The following ARHGAP32 variants were observed in gnomAD, a reference collection of about 807,000 sequenced individuals.
ARHGAP32 encodes the protein rho GTPase-activating protein 32.
Under a neutral mutation model 186.5 loss-of-function variants are expected in ARHGAP32, and 51 were observed. The ratio of observed to expected loss-of-function variants is 0.27; its 90% CI spans 0.22 to 0.35. The LOEUF (loss-of-function observed/expected upper bound fraction) is 0.35, where lower values mean the gene tolerates loss of function less well. ARHGAP32 is among the 10% of genes least tolerant of loss of function. The pLI is 1.00. For synonymous variants in ARHGAP32, 950 were observed against 964.3 expected (o/e 0.99, Z 0.27); for missense variants, 2,186 against 2,623.5 (o/e 0.83, Z 3.64).
upstream of ARHGAP32, among the ~76,000 whole-genome samples, chr11:129,192,450 A>C (rs1354119092): frequency 6.6e-6 from 1 of 152,150 alleles, no homozygotes; most frequent in African/African-American, 2.4e-5. Context: ...TACATAACCA[A>C]AAGCAGAATC....
At chr11:129,194,702 G>A (rs190655090), upstream of ARHGAP32, among the ~76,000 whole-genome samples, 29 of 151,672 alleles carry the variant, frequency 1.9e-4, no homozygotes, top group South Asian at 6.2e-4. Context: ...GCAGTGAGCC[G>A]AGATCACGCC....
chr11:128,970,805 G>A lies in ARHGAP32; in HGVS notation c.4408C>T (p.Pro1470Ser). Residue 1470 changes from proline (P) to serine (S), a missense_variant, in exon 23 of 23, where the codon CCT becomes TCT. Physicochemically the swap from Pro to Ser is moderately conservative, Grantham distance 74. Coordinates refer to ENST00000682385, the MANE Select transcript of ARHGAP32 (RefSeq NM_001378024.1). The surrounding 1 kb of genome is among the most constrained non-coding windows in gnomAD (Gnocchi z 5.8). Reference protein sequence around the residue: ...ASSTSVDDALPLPLPVPQPKH... With the variant: ...ASSTSVDDALSLPLPVPQPKH... The stretch of plus-strand genomic sequence containing the variant: ...GGTTGTGGGACAGGAAGTGGTAAAG[G>A]CAATGCATCGTCCACAGAGGTGGAT... The A allele has an allele frequency of 6.2e-7, 1 of 1,614,202 alleles. No homozygotes were observed. Among genetic ancestry groups the A allele is most frequent in the African/African-American group, 1.3e-5 (1 of 75,048 alleles).
At chr11:129,195,645 T>C (rs546787822), upstream of ARHGAP32, among the ~76,000 whole-genome samples, 1 of 152,056 alleles carries the variant, frequency 6.6e-6, no homozygotes, top group East Asian at 1.9e-4. Context: ...CCGCCTCGGC[T>C]GGAGGTTGCT....
intron 5 of ARHGAP32, among the ~76,000 whole-genome samples, chr11:129,109,182 T>C (rs1942134004): frequency 6.6e-6 from 1 of 152,130 alleles, no homozygotes; most frequent in Non-Finnish European, 1.5e-5. Context: ...ATTATTTCAC[T>C]TCACATGATG....
Position 129,240,465 on chromosome 11 carries a change from T to C in ARHGAP32, c.-5+38681A>G, listed in dbSNP as rs576736867. ...TTCAGTAGGCCCATCTCAAGTAATTTCCTTTTCTACAAGCTTTCCCTAGGT... is the reference window on the plus strand; with the variant it reads ...TTCAGTAGGCCCATCTCAAGTAATTCCCTTTTCTACAAGCTTTCCCTAGGT... On this transcript the variant is annotated intron_variant, in intron 1 of 6. Coordinates refer to the ARHGAP32 transcript ENST00000525234. Among the ~76,000 whole-genome samples the C allele has an allele frequency of 4.3e-4, 66 of 152,278 alleles. 1 individual carries two copies. Among genetic ancestry groups the C allele is most frequent in the Non-Finnish European group, 1.2e-4 (8 of 68,018 alleles).
At position 129,061,636 on chromosome 11, in the gene ARHGAP32, A is replaced by AT. The variant is rs573098129; in HGVS notation, c.963+643dup. Among the ~76,000 whole-genome samples the AT allele has an allele frequency of 2.6e-3, 389 of 152,326 alleles. 1 individual carries two copies. Among genetic ancestry groups the AT allele is most frequent in the Admixed American group, 4.4e-3 (67 of 15,298 alleles). On this transcript the variant is annotated intron_variant, in intron 10 of 22. Transcript: ENST00000682385. ...GGCAGGCAGCATCTACAGTGTGGAT[A>AT]TGCTGGACAAAGGGATGATTCACGT...
At chr11:129,266,434 G>C (rs1186235195) in intron 1 of ARHGAP32, among the ~76,000 whole-genome samples, 1 of 152,078 alleles carries the variant, frequency 6.6e-6, no homozygotes, top group African/African-American at 2.4e-5. Context: ...GGGTAAATAG[G>C]TCATCCTGCT....
rs555858835 is a variant in ARHGAP32, at chr11:129,137,878, T to C, written c.226-12984A>G. ...AAATGAGAATTCAATACTAATACAGTTAAATTTGAAGCTGATTAAATACTA... is the reference window on the plus strand; with the variant it reads ...AAATGAGAATTCAATACTAATACAGCTAAATTTGAAGCTGATTAAATACTA... On this transcript the variant is annotated intron_variant, in intron 2 of 22. Coordinates refer to ENST00000682385, the MANE Select transcript of ARHGAP32 (RefSeq NM_001378024.1). Among the ~76,000 whole-genome samples the C allele has an allele frequency of 4.6e-5, 7 of 152,186 alleles. No individual in the cohort carries two copies. In the East Asian group the frequency reaches 1.2e-3, roughly 25 times the overall value.
chr11:129,210,591 T>G (rs1267078963), intron 1 of ARHGAP32, among the ~76,000 whole-genome samples: 1 of 152,138 alleles, frequency 6.6e-6, no homozygotes, highest in Non-Finnish European at 1.5e-5. Context: ...CCCACAATAC[T>G]TGCAAAAATA....
At chr11:129,022,874 A>G (rs761362098) in intron 11 of ARHGAP32, among the ~76,000 whole-genome samples, 22 of 152,280 alleles carry the variant, frequency 1.4e-4, no homozygotes, top group Non-Finnish European at 2.6e-4. Context: ...TTAGATTTCT[A>G]TCTTCCACTA....
chr11:129,243,440 A>G (rs1945047275), intron 1 of ARHGAP32, among the ~76,000 whole-genome samples: 1 of 152,210 alleles, frequency 6.6e-6, no homozygotes, highest in Admixed American at 6.5e-5. Context: ...AGCATAAAAC[A>G]TGGCAAAGAA....
At position 128,965,736 on chromosome 11, in the gene ARHGAP32, A is replaced by G. The variant is rs1945208585; in HGVS notation, c.*3171T>C. On this transcript the variant is annotated 3_prime_UTR_variant, in exon 23 of 23. Coordinates refer to ENST00000682385, the MANE Select transcript of ARHGAP32 (RefSeq NM_001378024.1). ...AAGCAGTACTTTGCCAACATCCTAA[A>G]TGGGTGACTGACAGGGCTGAAAACA... 1 of 152,206 alleles carries G rather than the reference A, an allele frequency of 6.6e-6. No individual in the cohort carries two copies. The highest frequency in any genetic ancestry group is 2.4e-5 in the African/African-American group (1 of 41,454). The allele number at this position is 152,206 out of a possible 1,614,324, so 9.4% of individuals were successfully genotyped here.
chr11:129,207,338 A>G lies in ARHGAP32; in HGVS notation c.-4-42911T>C, dbSNP rs530738903. 7.2e-5 allele frequency among the ~76,000 whole-genome samples: 11 copies of G among 152,314 alleles called. 1 individual carries two copies. The East Asian group carries it at 1.9e-3, about 27-fold the overall frequency. On this transcript the variant is annotated intron_variant, in intron 1 of 6. Transcript: ENST00000525234. ...CACTGTCTTCCACAATGGTTGAACT[A>G]AATTATACTCCCACCAACAGTGTAA...
intron 11 of ARHGAP32, among the ~76,000 whole-genome samples, chr11:129,030,875 T>C (rs1939083444): frequency 6.6e-6 from 1 of 152,212 alleles, no homozygotes; most frequent in East Asian, 1.9e-4. Flanking sequence ...ACTTGCATAG[T>C]GAATACTCGT....
chr11:129,074,683 C>CG (rs577495274), intron 6 of ARHGAP32, among the ~76,000 whole-genome samples: 3,869 of 152,090 alleles, frequency 0.025, 91 homozygotes, highest in African/African-American at 0.062. Context: ...TTAGTAGAGA[C>CG]AGGTTTCACC....
chr11:129,055,804 G>A (rs1344337754), intron 10 of ARHGAP32, among the ~76,000 whole-genome samples: 1 of 152,156 alleles, frequency 6.6e-6, no homozygotes, highest in African/African-American at 2.4e-5. Flanking sequence ...GAGATTTTTA[G>A]GGCAATAAAA....
At chr11:129,007,531 TG>T (rs918358634) in intron 11 of ARHGAP32, among the ~76,000 whole-genome samples, 7 of 151,910 alleles carry the variant, frequency 4.6e-5, no homozygotes. Context: ...TAGGCTAGAA[TG>T]GGGGCCTCAC....
At chr11:129,046,220 C>T (rs1276408919) in intron 10 of ARHGAP32, among the ~76,000 whole-genome samples, 1 of 151,996 alleles carries the variant, frequency 6.6e-6, no homozygotes, top group African/African-American at 2.4e-5. Context: ...TGAAAGCATA[C>T]AGATAGAGTA....
At chr11:129,260,807 A>G (rs762042565) in intron 1 of ARHGAP32, among the ~76,000 whole-genome samples, 8 of 152,194 alleles carry the variant, frequency 5.3e-5, no homozygotes, top group Non-Finnish European at 1.2e-4. Context: ...ATATTAGCCA[A>G]TAATTAATCT....
Sources: gnomAD v4.1 joint callset for allele counts (sites outside exome capture counted in the v4.1 genomes callset) on GRCh38, gnomAD v4.1.1 for gene constraint, Gnocchi (gnomAD v3.1) non-coding constraint, MANE v1.5 for transcripts, NCBI Gene and HGNC (gene_info 2026-07-23, HGNC 2026-07-21) for gene names.